The following SUMF1 variants were observed in gnomAD, a reference collection of about 807,000 sequenced individuals.
The protein encoded by SUMF1 is sulfatase modifying factor 1, also known as formylglycine-generating enzyme.
A neutral mutation model predicts 47.6 loss-of-function variants in SUMF1; 48 were observed. The observed-to-expected ratio is 1.01, with a 90% CI of 0.80 to 1.28. The LOEUF (loss-of-function observed/expected upper bound fraction) is 1.28, where lower values mean the gene tolerates loss of function less well. SUMF1 is among the 50% of genes most tolerant of loss of function. SUMF1 has a pLI of 0.00. For synonymous variants in SUMF1, 230 were observed against 192.1 expected, an observed-to-expected ratio of 1.20 and a Z score of -1.63; for missense variants, 571 against 485.4, an observed-to-expected ratio of 1.18 and a Z score of -1.66.
chr3:4,409,824 A>G (rs1033714350), intron 7 of SUMF1, among the ~76,000 whole-genome samples: 2 of 152,248 alleles, frequency 1.3e-5, no homozygotes, highest in Non-Finnish European at 2.9e-5. Context: ...TGAGCAGCCC[A>G]TGTGTTATTC....
intron 8 of SUMF1, among the ~76,000 whole-genome samples, chr3:4,131,600 CATACTG>C (rs1245499102): frequency 5.9e-5 from 9 of 152,126 alleles, no homozygotes; most frequent in Non-Finnish European, 1.2e-4. Flanking sequence ...TATGCAATTA[CATACTG>C]ATTCATGGGC....
At chr3:4,300,438 T>C (rs1697940299) in intron 8 of SUMF1, among the ~76,000 whole-genome samples, 1 of 152,246 alleles carries the variant, frequency 6.6e-6, no homozygotes, top group African/African-American at 2.4e-5. Flanking sequence ...TTATATCAGA[T>C]GTGTACTCAA....
intron 7 of SUMF1, among the ~76,000 whole-genome samples, chr3:4,384,908 G>C (rs1700623322): frequency 1.3e-5 from 2 of 150,350 alleles, no homozygotes; most frequent in Non-Finnish European, 3.0e-5. Context: ...TTTTTTGAGA[G>C]GGTCTCTCGC....
At chr3:4,258,545 A>C (rs11914997) in intron 8 of SUMF1, among the ~76,000 whole-genome samples, 4,354 of 151,862 alleles carry the variant, frequency 0.029, 200 homozygotes, top group African/African-American at 0.1. Flanking sequence ...GAGAAATGCA[A>C]ATCAAAACCA....
intron 9 of SUMF1, among the ~76,000 whole-genome samples, chr3:4,057,567 T>C (rs1327571505): frequency 6.6e-6 from 1 of 152,172 alleles, no homozygotes; most frequent in Non-Finnish European, 1.5e-5. Flanking sequence ...CTATCTGGTC[T>C]TTGGTTTCCA....
intron 8 of SUMF1, among the ~76,000 whole-genome samples, chr3:4,169,677 C>A (rs911818703): frequency 6.6e-6 from 1 of 152,164 alleles, no homozygotes; most frequent in African/African-American, 2.4e-5. Context: ...TACCAATACC[C>A]CGTTTGGGGC....
rs181784206 is a variant in SUMF1, at chr3:4,179,153, G to A, written c.1015-110408C>T. On this transcript the variant is annotated intron_variant and NMD_transcript_variant, in intron 8 of 12. Transcript: ENST00000448413. ...TCAGTGCCATCCCCATCAAGCTACCGCTGACTTTCTTCACAGAATTGCAAA... is the reference window on the plus strand; with the variant it reads ...TCAGTGCCATCCCCATCAAGCTACCACTGACTTTCTTCACAGAATTGCAAA... 9.9e-4 allele frequency among the ~76,000 whole-genome samples: 151 copies of A among 152,138 alleles called. 3 individuals carry two copies. In the East Asian group the frequency reaches 0.021, roughly 21 times the overall value.
intron 4 of SUMF1, among the ~76,000 whole-genome samples, chr3:4,419,694 A>T (rs17685399): frequency 1.3e-5 from 2 of 152,164 alleles, no homozygotes; most frequent in African/African-American, 4.8e-5. Context: ...ACAATTACTT[A>T]TCCATAAGAC....
chr3:4,094,947 T>C (rs756561852), intron 8 of SUMF1, among the ~76,000 whole-genome samples: 9 of 152,118 alleles, frequency 5.9e-5, no homozygotes, highest in Non-Finnish European at 1.0e-4. Context: ...ATGGAACCAG[T>C]GTTCTACAGA....
At chr3:4,458,911 T>C (rs1422270142) in intron 1 of SUMF1, among the ~76,000 whole-genome samples, 2 of 152,082 alleles carry the variant, frequency 1.3e-5, no homozygotes, top group African/African-American at 4.8e-5. Context: ...ATGAACCTAG[T>C]GGACAGTATG....
chr3:4,286,182 A>T (rs1417191562), intron 8 of SUMF1, among the ~76,000 whole-genome samples: 1 of 152,082 alleles, frequency 6.6e-6, no homozygotes, highest in Non-Finnish European at 1.5e-5. Context: ...TGTGTAAGTA[A>T]TAAGTATGTA....
In SUMF1 at chr3:4,335,968, A is replaced by ACAAAAAACAACAAC. The variant is rs1553558762; in HGVS notation, c.1014+40361_1014+40362insGTTGTTGTTTTTTG. 1.1e-3 allele frequency among the ~76,000 whole-genome samples: 167 copies of ACAAAAAACAACAAC among 147,010 alleles called. 4 individuals carry two copies. Among genetic ancestry groups the ACAAAAAACAACAAC allele is most frequent in the African/African-American group, 3.9e-3 (157 of 39,794 alleles). ...TGAGTGAGATTCCAACTCAAAAAAA[A>ACAAAAAACAACAAC]AAAAAAAAAAAACAGAAAAAACCCC... On this transcript the variant is annotated intron_variant and NMD_transcript_variant, in intron 8 of 12. Transcript: ENST00000448413.
At chr3:4,362,494 T>C (rs1699800318) in intron 8 of SUMF1, among the ~76,000 whole-genome samples, 2 of 152,118 alleles carry the variant, frequency 1.3e-5, no homozygotes, top group Admixed American at 6.5e-5. Context: ...GCATTAGATA[T>C]AACAGCAAAA....
At chr3:4,416,105 C>T (rs990812089) in intron 6 of SUMF1, among the ~76,000 whole-genome samples, 3 of 152,070 alleles carry the variant, frequency 2.0e-5, no homozygotes, top group Non-Finnish European at 1.5e-5. Flanking sequence ...AGCAAAAGAA[C>T]GGTGAGAAAA....
intron 8 of SUMF1, among the ~76,000 whole-genome samples, chr3:4,210,026 C>T (rs1695745549): frequency 6.6e-6 from 1 of 152,092 alleles, no homozygotes; most frequent in African/African-American, 2.4e-5. Context: ...TCCCGAGTAG[C>T]TGAGATTACA....
intron 8 of SUMF1, among the ~76,000 whole-genome samples, chr3:4,277,641 G>A (rs890401165): frequency 1.6e-4 from 25 of 152,180 alleles, no homozygotes; most frequent in African/African-American, 6.0e-4. Context: ...ACATCTAGGA[G>A]GCTCAGAAGA....
intron 8 of SUMF1, among the ~76,000 whole-genome samples, chr3:4,218,068 G>A (rs1044209423): frequency 6.6e-6 from 1 of 151,730 alleles, no homozygotes; most frequent in Non-Finnish European, 1.5e-5. Context: ...GAGGAGGGAA[G>A]GATTTCTCAG....
chr3:4,389,376 C>T (rs1016001831), intron 7 of SUMF1, among the ~76,000 whole-genome samples: 1 of 147,064 alleles, frequency 6.8e-6, no homozygotes, highest in Admixed American at 6.8e-5. Flanking sequence ...TTTTTTCTGG[C>T]TGCTTTTAAA....
chr3:4,174,161 C>G (rs1574950315), intron 8 of SUMF1, among the ~76,000 whole-genome samples: 1 of 151,774 alleles, frequency 6.6e-6, no homozygotes, highest in Admixed American at 6.6e-5. Flanking sequence ...TCGAGAGCAT[C>G]CTGGCTAACA....
Sources: gnomAD v4.1 joint callset for allele counts (sites outside exome capture counted in the v4.1 genomes callset) on GRCh38, gnomAD v4.1.1 for gene constraint, MANE v1.5 for transcripts, NCBI Gene and HGNC (gene_info 2026-07-23, HGNC 2026-07-21) for gene names.